Variants in LYST observed in about 807,000 individuals in gnomAD.
LYST encodes the protein lysosomal trafficking regulator.
In LYST, 192 loss-of-function variants were observed where a neutral mutation model predicts 413.6. That is an observed-to-expected ratio of 0.46 (90% CI 0.41 to 0.52). LYST has a LOEUF of 0.52. Among genes scored for constraint, LYST ranks in the 20% least tolerant of loss-of-function variants. LYST has a pLI of 0.00. For missense variants in LYST, 3,815 were observed against 4,499.9 expected (o/e 0.85, Z 4.35); for synonymous variants, 1,525 against 1,567.3 (o/e 0.97, Z 0.64).
At chr1:235,787,555 A>G (rs377194100) in intron 13 of LYST, among the ~76,000 whole-genome samples, 182 bp from the exon 14 acceptor site, 2 of 152,264 alleles carry the variant, frequency 1.3e-5, no homozygotes, top group South Asian at 4.1e-4. Context: ...TTATTCTATC[A>G]TTACCTCAAT....
intron 3 of LYST, chr1:235,829,008 C>T (rs1181548921): frequency 5.9e-6 from 1 of 168,350 alleles, no homozygotes; most frequent in Non-Finnish European, 1.2e-5. Flanking sequence ...AGTTTAAGAT[C>T]AGCTGGTCAA....
At position 235,751,379 on chromosome 1, in the gene LYST, C is replaced by G; in HGVS notation, c.7628-17G>C. 1.2e-6 allele frequency: 2 copies of G among 1,607,636 alleles called. No homozygotes were observed. Among genetic ancestry groups the G allele is most frequent in the Non-Finnish European group, 1.7e-6 (2 of 1,174,810 alleles). On this transcript the variant is annotated splice_polypyrimidine_tract_variant and intron_variant, in intron 27 of 52. Transcript: ENST00000389793. Reference sequence around the variant, plus strand: ...CAGCCATATCTAAAAACAGAAGATACTAGAATGTTTTCAAGCTATGTGGTT... The same window carrying G: ...CAGCCATATCTAAAAACAGAAGATAGTAGAATGTTTTCAAGCTATGTGGTT...
rs370812766 is a variant in LYST at position 235,761,978 on chromosome 1, T to A, written c.6253+742A>T. On this transcript the variant is annotated intron_variant, in intron 22 of 52. Coordinates refer to ENST00000389793, the MANE Select transcript of LYST (RefSeq NM_000081.4). ...TCACACACCAGGGCCTGTTGTCGGG[T>A]GGGGGGAGGGGGGAGGGATAGCATT... 3.4e-3 allele frequency among the ~76,000 whole-genome samples: 205 copies of A among 59,478 alleles called. 2 individuals carry two copies. Among genetic ancestry groups the A allele is most frequent in the African/African-American group, 0.02 (193 of 9,530 alleles). The allele number at this position is 59,478 out of a possible 152,430, so 39.0% of individuals were successfully genotyped here.
intron 25 of LYST, among the ~76,000 whole-genome samples, chr1:235,754,179 A>T (rs1341278903): frequency 6.8e-6 from 1 of 146,722 alleles, no homozygotes; most frequent in Non-Finnish European, 1.5e-5. Context: ...TGGATCCTTT[A>T]TGTAATCTGT....
At chr1:235,785,961 T>C (rs1558241680) in intron 14 of LYST, among the ~76,000 whole-genome samples, 2 of 152,228 alleles carry the variant, frequency 1.3e-5, no homozygotes, top group African/African-American at 4.8e-5. Flanking sequence ...AATCTATCAC[T>C]TGGTATATTT....
intron 3 of LYST, among the ~76,000 whole-genome samples, chr1:235,816,275 A>G (rs1000821370): frequency 1.3e-4 from 20 of 150,870 alleles, no homozygotes; most frequent in African/African-American, 4.4e-4. Context: ...CTCCAACTCT[A>G]CTAAAAATAC....
chr1:235,733,170 TG>T (rs1412230296), intron 34 of LYST, among the ~76,000 whole-genome samples: 1 of 152,204 alleles, frequency 6.6e-6, no homozygotes, highest in Non-Finnish European at 1.5e-5. Flanking sequence ...TTTTGTTATT[TG>T]TAATACATAT....
chr1:235,801,423 C>CT (rs201399414), intron 8 of LYST, among the ~76,000 whole-genome samples: 1 of 151,484 alleles, frequency 6.6e-6, no homozygotes, highest in Non-Finnish European at 1.5e-5. Context: ...TGACCCCCCC[C>CT]TCAAATACCT....
chr1:235,665,455 C>CA (rs1407242518), intron 50 of LYST, among the ~76,000 whole-genome samples: 1 of 151,058 alleles, frequency 6.6e-6, no homozygotes. Context: ...ACTAAAAATA[C>CA]AAAAAAATTA....
At chr1:235,833,461 C>T (rs986406440) in intron 2 of LYST, 117 bp downstream of exon 2, 4 of 157,100 alleles carry the variant, frequency 2.5e-5, no homozygotes, top group Non-Finnish European at 5.5e-5. Flanking sequence ...ACATCCATCT[C>T]TACTAAGAAA....
intron 14 of LYST, among the ~76,000 whole-genome samples, chr1:235,783,359 T>C (rs1670063921): frequency 6.6e-6 from 1 of 152,176 alleles, no homozygotes; most frequent in African/African-American, 2.4e-5. Context: ...TGACTGAAAC[T>C]CTATTGCCAT....
At chr1:235,743,421 G>A (rs920493310) in intron 30 of LYST, among the ~76,000 whole-genome samples, 1 of 152,076 alleles carries the variant, frequency 6.6e-6, no homozygotes, top group Non-Finnish European at 1.5e-5. Context: ...CATGATTTAC[G>A]AGTTCTGCTA....
At position 235,805,959 on chromosome 1, in the gene LYST, A is replaced by G. The variant is rs371576746; in HGVS notation, c.3177T>C (p.Ala1059=). The G allele has an allele frequency of 2.9e-5, 46 of 1,613,856 alleles. No homozygotes were observed. Among genetic ancestry groups the G allele is most frequent in the Middle Eastern group, 3.3e-4 (2 of 6,062 alleles). The change falls in exon 6 of 53, where the codon GCT becomes GCC. Residue 1059 remains alanine (A), a synonymous_variant. Coordinates refer to ENST00000389793, the MANE Select transcript of LYST (RefSeq NM_000081.4). ...GTAACTCTAATTTACCTAAACTGTCAGCACTCTTTTTTAGACTACCTAGTT... is the reference window on the plus strand; with the variant it reads ...GTAACTCTAATTTACCTAAACTGTCGGCACTCTTTTTTAGACTACCTAGTT... ...PSELGSLKKS[A]DSLGKLELQH... is the part of the protein sequence containing the mutation.
At chr1:235,828,169 G>C in intron 3 of LYST, 2 of 965,826 alleles carry the variant, frequency 2.1e-6, no homozygotes, top group Non-Finnish European at 1.2e-6. Flanking sequence ...AATTATTTCA[G>C]TCATTTAGTA....
chr1:235,739,556 C>A (rs1345230082), intron 31 of LYST, among the ~76,000 whole-genome samples: 2 of 151,018 alleles, frequency 1.3e-5, no homozygotes, highest in African/African-American at 4.9e-5. Context: ...AACAATGCAA[C>A]CAACTATCCA....
Position 235,664,013 on chromosome 1 carries a change from T to C in LYST, c.11238A>G (p.Thr3746=), listed in dbSNP as rs1377428228. ...TWDLKPVREI[T]FPKSNKPIIS... is the part of the protein sequence containing the mutation. The stretch of plus-strand genomic sequence containing the variant: ...TGATGGGCTTATTTGATTTGGGAAA[T>C]GTAATTTCTCTCACAGGCTTTAAGT... The change falls in exon 52 of 53, where the codon ACA becomes ACG. Residue 3746 remains threonine (T), a synonymous_variant. Transcript: ENST00000389793. The surrounding 1 kb of genome is among the most constrained non-coding windows in gnomAD (Gnocchi z 4.5). 6.2e-7 allele frequency: 1 copy of C among 1,613,398 alleles called. No individual in the cohort carries two copies. The highest frequency in any genetic ancestry group is 1.1e-5 in the South Asian group (1 of 91,066).
chr1:235,681,233 C>T (rs1254960643), intron 48 of LYST, among the ~76,000 whole-genome samples: 3 of 152,062 alleles, frequency 2.0e-5, no homozygotes, highest in Admixed American at 6.6e-5. Flanking sequence ...TGTCAAAGGG[C>T]ACTCTGGGCT....
At position 235,785,866 on chromosome 1, in the gene LYST, G is replaced by C. The variant is rs577691253; in HGVS notation, c.4862+1334C>G. 3.9e-5 allele frequency among the ~76,000 whole-genome samples: 6 copies of C among 152,204 alleles called. No homozygotes were observed. The South Asian group carries it at 1.2e-3, about 31-fold the overall frequency. On this transcript the variant is annotated intron_variant, in intron 14 of 52. Coordinates refer to ENST00000389793, the MANE Select transcript of LYST (RefSeq NM_000081.4). The stretch of plus-strand genomic sequence containing the variant: ...TTATAGTTCCTACAGGCTAAAATTT[G>C]ACATTAAGATATTCCACAAGATGTT...
intron 50 of LYST, among the ~76,000 whole-genome samples, chr1:235,669,792 C>A (rs910599871): frequency 6.6e-6 from 1 of 152,190 alleles, no homozygotes; most frequent in Non-Finnish European, 1.5e-5. Flanking sequence ...TGCTTTTGTT[C>A]TTTTGTTGCT....
Sources: gnomAD v4.1 joint callset for allele counts (sites outside exome capture counted in the v4.1 genomes callset) on GRCh38, gnomAD v4.1.1 for gene constraint, Gnocchi (gnomAD v3.1) non-coding constraint, MANE v1.5 for transcripts, NCBI Gene and HGNC (gene_info 2026-07-23, HGNC 2026-07-21) for gene names.